PALM2AKAP2: variants seen among roughly 807,000 people sequenced by gnomAD.
PALM2AKAP2 encodes PALM2-AKAP2 fusion protein.
In PALM2AKAP2, 37 loss-of-function variants were observed where a neutral mutation model predicts 71.5. That is an observed-to-expected ratio of 0.52 (90% CI 0.40 to 0.68). PALM2AKAP2 has a LOEUF of 0.68. PALM2AKAP2 is among the 30% of genes least tolerant of loss of function. The pLI is 0.00. For synonymous variants in PALM2AKAP2, 468 were observed against 478.8 expected, an observed-to-expected ratio of 0.98 and a Z score of 0.29; for missense variants, 1,224 against 1,191.8, an observed-to-expected ratio of 1.03 and a Z score of -0.40.
At chr9:109,641,183 G>C (rs189762686) in intron 1 of PALM2AKAP2, among the ~76,000 whole-genome samples, 2 of 152,226 alleles carry the variant, frequency 1.3e-5, no homozygotes, top group Admixed American at 1.3e-4. Context: ...CCGCTTATCG[G>C]GGAGTTGGCC....
intron 1 of PALM2AKAP2, among the ~76,000 whole-genome samples, chr9:110,119,362 A>C (rs1349834000): frequency 1.3e-5 from 2 of 149,502 alleles, no homozygotes; most frequent in Non-Finnish European, 3.0e-5. Context: ...AAAAAAAAAG[A>C]AAAGAAAAAG....
chr9:109,903,159 G>A (rs1830366823), intron 3 of PALM2AKAP2, among the ~76,000 whole-genome samples: 1 of 152,136 alleles, frequency 6.6e-6, no homozygotes, highest in Non-Finnish European at 1.5e-5. Flanking sequence ...AGCATGGTGA[G>A]CCAGCCGCAG....
intron 6 of PALM2AKAP2, among the ~76,000 whole-genome samples, chr9:109,938,261 C>G (rs886165833): frequency 1.8e-4 from 27 of 152,154 alleles, no homozygotes; most frequent in African/African-American, 6.3e-4. Context: ...TCTTGCATGG[C>G]TTTCTAAAAG....
At chr9:110,006,348 T>TTCTTTCTTTCTTTCTTTCTC (rs1832784165) in intron 6 of PALM2AKAP2, among the ~76,000 whole-genome samples, 1 of 144,278 alleles carries the variant, frequency 6.9e-6, no homozygotes, top group African/African-American at 2.6e-5. Flanking sequence ...CTTTCTTTCT[T>TTCTTTCTTTCTTTCTTTCTC]TCTTTCTTTC....
chr9:110,157,612 C>G (rs562797356), intron 3 of PALM2AKAP2, among the ~76,000 whole-genome samples: 8 of 152,228 alleles, frequency 5.3e-5, no homozygotes, highest in African/African-American at 1.9e-4. Context: ...GTTGCTCAGA[C>G]TGTTCTTCAA....
chr9:109,794,849 A>G (rs1827207697), intron 1 of PALM2AKAP2, among the ~76,000 whole-genome samples: 1 of 152,366 alleles, frequency 6.6e-6, no homozygotes, highest in East Asian at 1.9e-4. Context: ...TAATTGTGAA[A>G]TCGGGTTAAA....
rs138746014 is a variant in PALM2AKAP2 at position 110,049,780 on chromosome 9, C to T, written c.156+925C>T. Among the ~76,000 whole-genome samples the T allele has an allele frequency of 1.9e-3, 293 of 152,302 alleles. 1 individual carries two copies. The highest frequency in any genetic ancestry group is 4.9e-3 in the Admixed American group (75 of 15,304). ...GGATAGGAGGGGAGTAAAACGGAGC[C>T]CGGGAGAGCCGGAAGCCCGCAGCAG... is the stretch of plus-strand genomic sequence containing the variant. On this transcript the variant is annotated intron_variant, in intron 1 of 3. Coordinates refer to ENST00000374525, the Ensembl canonical transcript of PALM2AKAP2.
chr9:109,665,860 C>T (rs955871450), intron 1 of PALM2AKAP2, among the ~76,000 whole-genome samples: 1 of 152,214 alleles, frequency 6.6e-6, no homozygotes, highest in Non-Finnish European at 1.5e-5. Context: ...TTCGAGCTTC[C>T]CTGCTGCTTT....
chr9:109,867,021 T>A (rs941221366), intron 1 of PALM2AKAP2: 2 of 456,626 alleles, frequency 4.4e-6, no homozygotes, highest in Non-Finnish European at 8.8e-6. Flanking sequence ...TATTTATGTC[T>A]GTGATTTTGA....
chr9:109,989,353 C>T (rs1233131565), intron 6 of PALM2AKAP2, among the ~76,000 whole-genome samples: 2 of 152,138 alleles, frequency 1.3e-5, no homozygotes, highest in African/African-American at 4.8e-5. Flanking sequence ...CAAATGTGCT[C>T]CAACTCCAGA....
At chr9:110,145,579 G>A (rs972630604) in intron 2 of PALM2AKAP2, among the ~76,000 whole-genome samples, 5 of 152,106 alleles carry the variant, frequency 3.3e-5, no homozygotes, top group Non-Finnish European at 5.9e-5. Context: ...TAGTTGACTG[G>A]TGATCATTGA....
chr9:109,643,210 G>A (rs1827098401), intron 1 of PALM2AKAP2, among the ~76,000 whole-genome samples: 2 of 152,308 alleles, frequency 1.3e-5, no homozygotes, highest in South Asian at 4.1e-4. Context: ...CTAGCAAGAA[G>A]CCACAGCAGG....
chr9:109,725,789 A>G (rs1828466565), intron 1 of PALM2AKAP2, among the ~76,000 whole-genome samples: 1 of 152,250 alleles, frequency 6.6e-6, no homozygotes, highest in Non-Finnish European at 1.5e-5. Context: ...TAACTCCAAA[A>G]AAAGTCTTAA....
intron 7 of PALM2AKAP2, among the ~76,000 whole-genome samples, chr9:110,037,503 G>A (rs1833434452): frequency 6.6e-6 from 1 of 152,204 alleles, no homozygotes; most frequent in East Asian, 1.9e-4. Flanking sequence ...ACCGCACCCG[G>A]CTTCAACAAC....
intron 6 of PALM2AKAP2, among the ~76,000 whole-genome samples, chr9:110,001,087 C>A (rs972335083): frequency 1.3e-5 from 2 of 152,130 alleles, no homozygotes. Context: ...AAATCCTTAC[C>A]CATGCCTATG....
chr9:110,141,276 A>G (rs1416994076), intron 2 of PALM2AKAP2, among the ~76,000 whole-genome samples: 2 of 151,826 alleles, frequency 1.3e-5, no homozygotes, highest in Non-Finnish European at 1.5e-5. Flanking sequence ...CTCTTCTCCC[A>G]TATCCCACCC....
intron 2 of PALM2AKAP2, among the ~76,000 whole-genome samples, chr9:110,147,928 TTC>T (rs1836218822): frequency 6.6e-6 from 1 of 152,228 alleles, no homozygotes; most frequent in Admixed American, 6.5e-5. Context: ...GAATTAACAT[TTC>T]TCTTAGAAAC....
At chr9:109,706,095 T>C (rs1181733746) in intron 1 of PALM2AKAP2, among the ~76,000 whole-genome samples, 1 of 152,188 alleles carries the variant, frequency 6.6e-6, no homozygotes, top group Non-Finnish European at 1.5e-5. Context: ...ACATTTGAGA[T>C]AGAAACATTT....
In PALM2AKAP2 at chr9:109,688,057, G is replaced by A. The variant is rs137964406; in HGVS notation, c.5+47191G>A. Among the ~76,000 whole-genome samples, 183 of 152,242 alleles carry A rather than the reference G, an allele frequency of 1.2e-3. 1 individual carries two copies. Among genetic ancestry groups the A allele is most frequent in the African/African-American group, 4.1e-3 (169 of 41,550 alleles). On this transcript the variant is annotated intron_variant, in intron 1 of 6. Transcript: ENST00000374531. The stretch of plus-strand genomic sequence containing the variant: ...ACATGTGAGTGGTTTGTAGCACCCC[G>A]AAACAATTACGATGGTAACATCAAA...
Sources: gnomAD v4.1 joint callset for allele counts (sites outside exome capture counted in the v4.1 genomes callset) on GRCh38, gnomAD v4.1.1 for gene constraint, MANE v1.5 for transcripts, NCBI Gene and HGNC (gene_info 2026-07-23, HGNC 2026-07-21) for gene names.